ST13: variants seen among roughly 807,000 people sequenced by gnomAD.
The protein encoded by ST13 is hsc70-interacting protein.
A neutral mutation model predicts 56.7 loss-of-function variants in ST13; 23 were observed. The ratio of observed to expected loss-of-function variants is 0.41; its 90% CI spans 0.29 to 0.57. The LOEUF is 0.57. ST13 is among the 20% of genes least tolerant of loss of function. ST13 has a pLI of 0.36. For missense variants in ST13, 369 were observed against 459.9 expected (o/e 0.80, Z 1.81); for synonymous variants, 132 against 142.4 (o/e 0.93, Z 0.52).
At chr22:40,830,761 G>C in intron 9 of ST13, 79 bp downstream of exon 9, 1 of 801,018 alleles carries the variant, frequency 1.2e-6, no homozygotes, top group Non-Finnish European at 2.0e-6. Flanking sequence ...AAAGAGCCAG[G>C]AATTAAAATT....
intron 5 of ST13, among the ~76,000 whole-genome samples, chr22:40,837,700 C>T (rs1372879090): frequency 6.6e-6 from 1 of 152,154 alleles, no homozygotes; most frequent in East Asian, 1.9e-4. Flanking sequence ...GACACAATCA[C>T]AGCTCACTGC....
chr22:40,842,634 C>G (rs1056656987), intron 4 of ST13, among the ~76,000 whole-genome samples: 12 of 152,022 alleles, frequency 7.9e-5, no homozygotes, highest in Non-Finnish European at 1.3e-4. Flanking sequence ...ATAAAGTAAA[C>G]AAGAAGGAGG....
At chr22:40,837,433 T>C (rs2057783125) in intron 5 of ST13, among the ~76,000 whole-genome samples, 1 of 151,988 alleles carries the variant, frequency 6.6e-6, no homozygotes, top group Non-Finnish European at 1.5e-5. Context: ...CTGACCAACA[T>C]GGAGAAATAC....
At chr22:40,830,713 A>G (rs1316550010) in intron 9 of ST13, 127 bp downstream of exon 9, 2 of 494,422 alleles carry the variant, frequency 4.0e-6, no homozygotes, top group East Asian at 6.1e-5. Context: ...CCCATAAGTA[A>G]TATCATTACT....
At chr22:40,851,713 A>C (rs1275657945) in intron 1 of ST13, among the ~76,000 whole-genome samples, 1 of 152,146 alleles carries the variant, frequency 6.6e-6, no homozygotes, top group African/African-American at 2.4e-5. Context: ...TATGTAAAAC[A>C]AGGGGATATA....
chr22:40,851,172 T>G (rs916414266), intron 1 of ST13, among the ~76,000 whole-genome samples: 1 of 152,238 alleles, frequency 6.6e-6, no homozygotes, highest in South Asian at 2.1e-4. Flanking sequence ...GAGGCAGATA[T>G]GTCAACATGC....
At chr22:40,839,855 T>C (rs574878547) in intron 5 of ST13, among the ~76,000 whole-genome samples, 1 of 150,230 alleles carries the variant, frequency 6.7e-6, no homozygotes, top group Non-Finnish European at 1.5e-5. Flanking sequence ...AAAATAAATA[T>C]ATATAAAAAA....
At chr22:40,845,099 CATGTAAG>C (rs1814146967) in intron 3 of ST13, among the ~76,000 whole-genome samples, 190 bp from the exon 4 acceptor site, 1 of 152,300 alleles carries the variant, frequency 6.6e-6, no homozygotes, top group African/African-American at 2.4e-5. Context: ...ACTGTCACAT[CATGTAAG>C]ATATTTATTA....
chr22:40,856,587 A>G lies in ST13; in HGVS notation c.-47T>C. The stretch of plus-strand genomic sequence containing the variant: ...ACTGGGGGGGCTACGGCCCGGTTCC[A>G]GGCCCAGGCGCTGGCTCGGCGTGAC... On this transcript the variant is annotated 5_prime_UTR_variant, in exon 1 of 12. Coordinates refer to ENST00000216218, the MANE Select transcript of ST13 (RefSeq NM_003932.5). 1 of 1,532,252 alleles carries G rather than the reference A, an allele frequency of 6.5e-7. No individual in the cohort carries two copies. The allele number at this position is 1,532,252 out of a possible 1,614,324, so 94.9% of individuals were successfully genotyped here. A position where few individuals can be genotyped will look rare whatever the true frequency, so the allele number is the denominator to read the frequency against.
intron 5 of ST13, among the ~76,000 whole-genome samples, chr22:40,839,811 AAAT>A (rs1485858398): frequency 1.3e-5 from 2 of 151,376 alleles, no homozygotes; most frequent in African/African-American, 2.4e-5. Flanking sequence ...AAAAAGAAAA[AAAT>A]AATAACCTAT....
chr22:40,830,437 G>A (rs541783728), intron 9 of ST13, among the ~76,000 whole-genome samples: 1 of 152,246 alleles, frequency 6.6e-6, no homozygotes, highest in Admixed American at 6.5e-5. Flanking sequence ...GGGACTATAG[G>A]CACTTGCCAC....
At chr22:40,837,329 G>A (rs760637612) in intron 5 of ST13, among the ~76,000 whole-genome samples, 35 of 152,152 alleles carry the variant, frequency 2.3e-4, no homozygotes, top group South Asian at 6.2e-4. Context: ...TTATGACAGG[G>A]TCTTGGCTGG....
At chr22:40,831,995 T>C (rs984544199) in intron 8 of ST13, 11 of 318,914 alleles carry the variant, frequency 3.4e-5, no homozygotes, top group African/African-American at 2.2e-4. Context: ...TGGGACTACG[T>C]AGGCGCATGC....
At chr22:40,846,962 TC>T (rs1485323377) in intron 3 of ST13, among the ~76,000 whole-genome samples, 1 of 151,774 alleles carries the variant, frequency 6.6e-6, no homozygotes, top group African/African-American at 2.4e-5. Context: ...GCCACCACAC[TC>T]CAGCCTGGGT....
chr22:40,830,273 T>C (rs2057748079), intron 9 of ST13, among the ~76,000 whole-genome samples: 1 of 152,212 alleles, frequency 6.6e-6, no homozygotes, highest in African/African-American at 2.4e-5. Flanking sequence ...GAATGTAACA[T>C]ATTATATAAT....
intron 5 of ST13, 189 bp from the exon 6 acceptor site, chr22:40,836,076 G>A (rs533651098): frequency 2.1e-4 from 106 of 506,384 alleles, no homozygotes; most frequent in African/African-American, 2.0e-3. Context: ...TAACTCACGA[G>A]GTAAGACAAT....
intron 4 of ST13, among the ~76,000 whole-genome samples, chr22:40,844,400 C>A (rs2057820544): frequency 6.6e-6 from 1 of 152,150 alleles, no homozygotes; most frequent in Non-Finnish European, 1.5e-5. Flanking sequence ...CACAGATACA[C>A]TACATATTAA....
chr22:40,832,450 T>C, intron 8 of ST13, 119 bp downstream of exon 8: 3 of 716,572 alleles, frequency 4.2e-6, no homozygotes, highest in Non-Finnish European at 4.8e-6. Flanking sequence ...TTACAGATTA[T>C]ATCTTCCAAT....
chr22:40,836,756 T>C (rs933923274), intron 5 of ST13, among the ~76,000 whole-genome samples: 16 of 152,092 alleles, frequency 1.1e-4, no homozygotes, highest in African/African-American at 3.9e-4. Context: ...TAATCCCTTA[T>C]GTCATTCAAC....
Sources: allele counts gnomAD v4.1 joint callset (sites outside exome capture counted in the v4.1 genomes callset), GRCh38; gene constraint gnomAD v4.1.1; transcripts MANE v1.5; gene names NCBI Gene and HGNC (gene_info 2026-07-23, HGNC 2026-07-21).